FAF1: variants seen among roughly 807,000 people sequenced by gnomAD.
FAF1 encodes the protein FAS-associated factor 1.
In FAF1, 25 loss-of-function variants were observed where a neutral mutation model predicts 92.5. The observed-to-expected ratio is 0.27, with a 90% CI of 0.20 to 0.38. The LOEUF (loss-of-function observed/expected upper bound fraction) is 0.38. FAF1 is among the 10% of genes least tolerant of loss of function. FAF1 has a pLI of 1.00. For missense variants in FAF1, 636 were observed against 793.3 expected, an observed-to-expected ratio of 0.80 and a Z score of 2.38; for synonymous variants, 234 against 273.2, an observed-to-expected ratio of 0.86 and a Z score of 1.42.
intron 6 of FAF1, among the ~76,000 whole-genome samples, chr1:50,724,310 C>CACACAT (rs1557494789): frequency 2.7e-5 from 4 of 148,794 alleles, no homozygotes; most frequent in African/African-American, 1.0e-4. Context: ...CACACACACA[C>CACACAT]ACACACACAC....
At chr1:50,763,485 C>T (rs1189832914) in intron 4 of FAF1, among the ~76,000 whole-genome samples, 2 of 151,926 alleles carry the variant, frequency 1.3e-5, no homozygotes, top group Non-Finnish European at 2.9e-5. Context: ...TTGAGTTATT[C>T]GTTAAAATTT....
intron 15 of FAF1, among the ~76,000 whole-genome samples, chr1:50,514,137 C>T (rs116583643): frequency 0.013 from 2,033 of 152,306 alleles, 43 homozygotes; most frequent in African/African-American, 0.045. Context: ...GAGCAAGATG[C>T]TAAGGAATGA....
intron 8 of FAF1, among the ~76,000 whole-genome samples, chr1:50,651,969 G>C (rs1654883928): frequency 6.6e-6 from 1 of 152,222 alleles, no homozygotes; most frequent in Non-Finnish European, 1.5e-5. Context: ...TGGAGCTAGT[G>C]AATCTGCTGT....
At position 50,441,198 on chromosome 1, in the gene FAF1, A is replaced by G; in HGVS notation, c.*242T>C. 2.5e-6 allele frequency: 1 copy of G among 406,636 alleles called. No homozygotes were observed. Among genetic ancestry groups the G allele is most frequent in the Non-Finnish European group, 4.4e-6 (1 of 227,876 alleles). 25.2% of individuals were successfully genotyped at this position (406,636 alleles called of 1,614,324 possible). A position where few individuals can be genotyped will look rare whatever the true frequency, so the allele number is the denominator to read the frequency against. On this transcript the variant is annotated 3_prime_UTR_variant, in exon 19 of 19. Coordinates refer to ENST00000396153, the MANE Select transcript of FAF1 (RefSeq NM_007051.3). ...TCGTCATTGAAGGAGGGTGAAGTGCAGGGGGTAGGGGAGGGTGGCAGAGTT... is the reference window on the plus strand; with the variant it reads ...TCGTCATTGAAGGAGGGTGAAGTGCGGGGGGTAGGGGAGGGTGGCAGAGTT...
chr1:50,510,766 CT>C (rs1003181400), intron 15 of FAF1, among the ~76,000 whole-genome samples: 3 of 152,020 alleles, frequency 2.0e-5, no homozygotes, highest in Non-Finnish European at 2.9e-5. Flanking sequence ...AAAGGTTTCT[CT>C]TTTTTTTAAG....
chr1:50,926,566 A>G (rs77686707), intron 1 of FAF1, among the ~76,000 whole-genome samples: 13,092 of 152,212 alleles, frequency 0.086, 728 homozygotes, highest in South Asian at 0.19. Context: ...AAAAAGATAA[A>G]AAAGCAGACT....
rs542931670 is a variant in FAF1 at position 50,775,274 on chromosome 1, C to G, written c.367+12726G>C. Among the ~76,000 whole-genome samples the G allele has an allele frequency of 3.9e-5, 6 of 152,132 alleles. No homozygotes were observed. The East Asian group carries it at 1.2e-3, about 29-fold the overall frequency. Reference sequence around the variant, plus strand: ...TCATTTATTGAGCCATTTGTTTCCTCAACAAGCACTACTCTGTGCCAAACA... The same window carrying G: ...TCATTTATTGAGCCATTTGTTTCCTGAACAAGCACTACTCTGTGCCAAACA... On this transcript the variant is annotated intron_variant, in intron 4 of 18. Transcript: ENST00000396153.
At chr1:50,911,077 C>T (rs1408603794) in intron 1 of FAF1, among the ~76,000 whole-genome samples, 3 of 151,734 alleles carry the variant, frequency 2.0e-5, no homozygotes, top group East Asian at 3.9e-4. Context: ...TATTTATTTA[C>T]TTATTTATTT....
intron 6 of FAF1, among the ~76,000 whole-genome samples, chr1:50,709,528 T>G (rs184212203): frequency 1.3e-4 from 20 of 152,254 alleles, no homozygotes. Context: ...GGTTTCATTT[T>G]ACTCACAAAA....
intron 1 of FAF1, among the ~76,000 whole-genome samples, chr1:50,955,004 C>T (rs996570006): frequency 2.0e-5 from 3 of 151,968 alleles, no homozygotes; most frequent in African/African-American, 7.3e-5. Context: ...CCTGTCTCGC[C>T]AAAAAGAAAG....
intron 5 of FAF1, among the ~76,000 whole-genome samples, chr1:50,739,282 A>G (rs1434062866): frequency 6.6e-6 from 1 of 152,112 alleles, no homozygotes. Context: ...GTGCATACAT[A>G]TACATATGTA....
intron 18 of FAF1, among the ~76,000 whole-genome samples, chr1:50,474,131 A>AT (rs1646608685): frequency 1.3e-5 from 2 of 152,338 alleles, no homozygotes; most frequent in South Asian, 2.1e-4. Context: ...TTGTTACACT[A>AT]TGCCAAATTT....
chr1:50,483,870 G>A (rs1646728770), intron 17 of FAF1, among the ~76,000 whole-genome samples: 1 of 152,176 alleles, frequency 6.6e-6, no homozygotes, highest in Non-Finnish European at 1.5e-5. Context: ...CATTTACTGA[G>A]ATAGGGAAGA....
At chr1:50,827,601 C>T (rs953799064) in intron 2 of FAF1, among the ~76,000 whole-genome samples, 3 of 151,692 alleles carry the variant, frequency 2.0e-5, no homozygotes, top group Non-Finnish European at 2.9e-5. Context: ...TCCCCCTCTC[C>T]GAGAAACACC....
intron 7 of FAF1, among the ~76,000 whole-genome samples, chr1:50,689,387 A>G (rs1656814938): frequency 2.0e-5 from 3 of 152,154 alleles, no homozygotes; most frequent in Admixed American, 2.0e-4. Flanking sequence ...GATACAGACC[A>G]TCCTCGCTAA....
chr1:50,513,325 A>C (rs1234078710), intron 15 of FAF1, among the ~76,000 whole-genome samples: 2 of 152,170 alleles, frequency 1.3e-5, no homozygotes, highest in African/African-American at 2.4e-5. Flanking sequence ...ACCAGAAAAA[A>C]ATACAAAAAT....
chr1:50,814,761 A>G (rs1284811362), intron 2 of FAF1, among the ~76,000 whole-genome samples: 2 of 152,226 alleles, frequency 1.3e-5, no homozygotes, highest in Non-Finnish European at 2.9e-5. Context: ...TAATCATTAA[A>G]GATGCTGAGC....
intron 13 of FAF1, among the ~76,000 whole-genome samples, chr1:50,559,359 C>T (rs1194299813): frequency 5.3e-5 from 8 of 152,182 alleles, no homozygotes; most frequent in Admixed American, 4.6e-4. Context: ...GAGGCCATCA[C>T]TTTTATCCAT....
At chr1:50,888,024 T>G (rs1032175200) in intron 1 of FAF1, among the ~76,000 whole-genome samples, 1 of 152,238 alleles carries the variant, frequency 6.6e-6, no homozygotes, top group African/African-American at 2.4e-5. Flanking sequence ...GGAATGTTCT[T>G]CCATTTGTTT....
Sources: gnomAD v4.1 joint callset for allele counts (sites outside exome capture counted in the v4.1 genomes callset) on GRCh38, gnomAD v4.1.1 for gene constraint, MANE v1.5 for transcripts, NCBI Gene and HGNC (gene_info 2026-07-23, HGNC 2026-07-21) for gene names.